Variants in SMARCA4 observed in about 807,000 individuals in gnomAD.
SMARCA4 encodes SWI/SNF related BAF chromatin remodeling complex subunit ATPase 4, also known as SWI/SNF-related matrix-associated actin-dependent regulator of chromatin subfamily A member 4.
Under a neutral mutation model 193.9 loss-of-function variants are expected in SMARCA4, and 31 were observed. The ratio of observed to expected loss-of-function variants is 0.16; its 90% CI spans 0.12 to 0.22. The LOEUF is 0.22. SMARCA4 is among the 10% of genes least tolerant of loss of function. SMARCA4 has a pLI of 1.00. For missense variants in SMARCA4, 1,148 were observed against 2,296.0 expected, an observed-to-expected ratio of 0.50 and a Z score of 10.22; for synonymous variants, 942 against 933.1, an observed-to-expected ratio of 1.01 and a Z score of -0.17.
At chr19:10,976,121 G>A (rs2085105916) in intron 1 of SMARCA4, among the ~76,000 whole-genome samples, 1 of 152,172 alleles carries the variant, frequency 6.6e-6, no homozygotes, top group East Asian at 1.9e-4. Context: ...ACACCTTAGG[G>A]ACGACCTTTG....
Position 11,061,845 on chromosome 19 carries a change from C to T in SMARCA4, c.*29C>T, listed in dbSNP as rs779905015. 1 of 1,611,256 alleles carries T rather than the reference C, an allele frequency of 6.2e-7. No individual in the cohort carries two copies. Among genetic ancestry groups the T allele is most frequent in the East Asian group, 2.2e-5 (1 of 44,872 alleles). On this transcript the variant is annotated 3_prime_UTR_variant, in exon 35 of 35. Coordinates refer to ENST00000344626, the MANE Select transcript of SMARCA4 (RefSeq NM_003072.5). ...CCGACATTCCAGTCTCGACCCCGAG[C>T]CCCTCGTTCCAGAGCTGAGATGGCA...
At position 11,019,146 on chromosome 19, in the gene SMARCA4, C is replaced by T. The variant is rs1167050347; in HGVS notation, c.2505+123C>T. Reference sequence around the variant, plus strand: ...TGCTGGGTCTCCAGTCGCATGGAGTCTCCAGGACAGCCTGGAACTCCAGTC... The same window carrying T: ...TGCTGGGTCTCCAGTCGCATGGAGTTTCCAGGACAGCCTGGAACTCCAGTC... On this transcript the variant is annotated intron_variant, in intron 17 of 34. Transcript: ENST00000344626. This position sits in a 1 kb window ranked among gnomAD's most constrained non-coding sequence, Gnocchi z 6.1. The T allele has an allele frequency of 1.1e-5, 9 of 794,706 alleles. No homozygotes were observed. Among genetic ancestry groups the T allele is most frequent in the South Asian group, 5.6e-5 (4 of 71,856 alleles). The allele number at this position is 794,706 out of a possible 1,614,324, so 49.2% of individuals were successfully genotyped here.
intron 9 of SMARCA4, chr19:10,995,204 G>C (rs1171834427): frequency 1.5e-6 from 1 of 685,368 alleles, no homozygotes. Flanking sequence ...GAATGACTGT[G>C]TGACCTCAGG....
intron 1 of SMARCA4, among the ~76,000 whole-genome samples, chr19:10,979,338 T>C (rs2085380722): frequency 6.6e-6 from 1 of 151,492 alleles, no homozygotes; most frequent in Non-Finnish European, 1.5e-5. Flanking sequence ...TAGAGTACAA[T>C]GTCTATGAAA....
rs758452838 is a variant in SMARCA4 at position 10,992,984 on chromosome 19, C to CTT, written c.1419+1679_1419+1680dup. On this transcript the variant is annotated intron_variant, in intron 8 of 34. Transcript: ENST00000344626. The stretch of plus-strand genomic sequence containing the variant: ...TTTTTAAATTTTTTCTAAAACTTTG[C>CTT]TTTTTTTTTTTTTTTTTTTGAGTCA... Among the ~76,000 whole-genome samples, 559 of 109,324 alleles carry CTT rather than the reference C, an allele frequency of 5.1e-3. 12 individuals carry two copies. The highest frequency in any genetic ancestry group is 0.017 in the African/African-American group (474 of 28,590). 71.7% of individuals were successfully genotyped at this position (109,324 alleles called of 152,430 possible).
rs148993527 is a variant in SMARCA4, at chr19:11,007,761, A to T, written c.2002-141A>T. 10 of 745,790 alleles carry T rather than the reference A, an allele frequency of 1.3e-5. No homozygotes were observed. In the East Asian group the frequency reaches 2.4e-4, roughly 18 times the overall value. 46.2% of individuals were successfully genotyped at this position (745,790 alleles called of 1,614,324 possible). A position where few individuals can be genotyped will look rare whatever the true frequency, so the allele number is the denominator to read the frequency against. On this transcript the variant is annotated intron_variant, in intron 13 of 34. Transcript: ENST00000344626. ...ATTTTAAAACAAAGATGTAAATAATAAACAGCACACATTCCAGGATAGGTA... is the reference window on the plus strand; with the variant it reads ...ATTTTAAAACAAAGATGTAAATAATTAACAGCACACATTCCAGGATAGGTA...
chr19:11,025,054 A>G (rs2090153953), intron 21 of SMARCA4, among the ~76,000 whole-genome samples: 1 of 139,348 alleles, frequency 7.2e-6, no homozygotes, highest in South Asian at 2.4e-4. Context: ...CACCCGGCTG[A>G]GGCCCTCTTG....
At chr19:10,988,023 C>T (rs2145827450) in intron 6 of SMARCA4, 99 bp downstream of exon 6, 2 of 1,244,752 alleles carry the variant, frequency 1.6e-6, no homozygotes, top group East Asian at 4.9e-5. Context: ...CAAACAGTGC[C>T]CTGTGCCCAC....
intron 7 of SMARCA4, 122 bp from the exon 8 acceptor site, chr19:10,991,028 G>A: frequency 1.3e-6 from 2 of 1,485,140 alleles, no homozygotes; most frequent in South Asian, 2.4e-5. Context: ...ACACGGACTG[G>A]GTGTGTAAGG....
In SMARCA4 at chr19:10,991,225, C is replaced by T. The variant is rs1600023226; in HGVS notation, c.1321C>T (p.Arg441Cys). The change falls in exon 8 of 35, where the codon CGC (arginine) becomes TGC (cysteine). Residue 441 changes from arginine (R) to cysteine (C), a missense_variant. Arg to Cys is a radical substitution (Grantham distance 180). This residue lies in a region of SMARCA4 where 69 missense variants were observed against 186.9 expected (regional missense o/e 0.37). Coordinates refer to ENST00000344626, the MANE Select transcript of SMARCA4 (RefSeq NM_003072.5). The stretch of plus-strand genomic sequence containing the variant: ...AGCCCTCAATGCTAAGGCCTACAAG[C>T]GCAGCAAGCGCCAGTCCCTGCGCGA... ...ETALNAKAYK[R>C]SKRQSLREAR... 6.2e-7 allele frequency: 1 copy of T among 1,613,828 alleles called. No individual in the cohort carries two copies. The highest frequency in any genetic ancestry group is 8.5e-7 in the Non-Finnish European group (1 of 1,179,988).
At chr19:10,988,825 C>G (rs945716720) in intron 6 of SMARCA4, among the ~76,000 whole-genome samples, 1 of 152,160 alleles carries the variant, frequency 6.6e-6, no homozygotes, top group African/African-American at 2.4e-5. Context: ...CCCTGGCATA[C>G]AGTTGGTGCT....
At chr19:10,997,012 C>T (rs894643429) in intron 11 of SMARCA4, among the ~76,000 whole-genome samples, 3 of 151,724 alleles carry the variant, frequency 2.0e-5, no homozygotes, top group Admixed American at 6.6e-5. Flanking sequence ...TGCCCCACCA[C>T]ACCCAGCTAA....
rs761479009 is a variant in SMARCA4 at position 10,987,898 on chromosome 19, G to A, written c.1092G>A (p.Val364=). ...AGAAGCCGCGGGGCCTCGACCCTGT[G>A]GAGATCCTGCAGGAGCGCGAGTACA... The part of the protein sequence containing the change: ...PIQKPRGLDP[V]EILQEREYRL... Residue 364 remains valine (V), a synonymous_variant, in exon 6 of 35, where the codon GTG becomes GTA. Coordinates refer to ENST00000344626, the MANE Select transcript of SMARCA4 (RefSeq NM_003072.5). This position sits in a 1 kb window ranked among gnomAD's most constrained non-coding sequence, Gnocchi z 5.3. The A allele has an allele frequency of 6.2e-7, 1 of 1,613,064 alleles. No individual in the cohort carries two copies. The highest frequency in any genetic ancestry group is 1.1e-5 in the South Asian group (1 of 91,008).
chr19:11,007,827 CTG>C, intron 13 of SMARCA4, 73 bp from the exon 14 acceptor site: 1 of 1,538,640 alleles, frequency 6.5e-7, no homozygotes, highest in Non-Finnish European at 8.9e-7. Flanking sequence ...GCTTCTGAGA[CTG>C]TTCTCCCCAT....
At chr19:10,979,022 A>T (rs2085357284) in intron 1 of SMARCA4, among the ~76,000 whole-genome samples, 1 of 152,102 alleles carries the variant, frequency 6.6e-6, no homozygotes, top group Non-Finnish European at 1.5e-5. Flanking sequence ...CCGTGCCATT[A>T]GTTGTGAGGG....
intron 14 of SMARCA4, among the ~76,000 whole-genome samples, chr19:11,008,829 C>T (rs1224579445): frequency 1.3e-5 from 2 of 151,822 alleles, no homozygotes; most frequent in South Asian, 2.1e-4. Flanking sequence ...CAAAAATTAG[C>T]TGGGCGTGGT....
chr19:11,060,759 A>G (rs1459167364), intron 34 of SMARCA4, among the ~76,000 whole-genome samples: 2 of 152,182 alleles, frequency 1.3e-5, no homozygotes, highest in African/African-American at 4.8e-5. Context: ...ATGCAAAGCA[A>G]GGAGGCTGCA....
chr19:11,023,452 C>T (rs575299016), intron 19 of SMARCA4, 66 bp from the exon 20 acceptor site: 2 of 1,030,198 alleles, frequency 1.9e-6, no homozygotes, highest in South Asian at 2.7e-5. Context: ...TCCGCACCTT[C>T]TAGTGAGACC....
intron 1 of SMARCA4, among the ~76,000 whole-genome samples, chr19:10,967,685 G>GT (rs111496379): frequency 0.34 from 42,771 of 126,728 alleles, 7,433 homozygotes; most frequent in South Asian, 0.41. Flanking sequence ...CAAATGTGTG[G>GT]TTTTTTTTTT....
Sources: allele counts gnomAD v4.1 joint callset (sites outside exome capture counted in the v4.1 genomes callset), GRCh38; gene constraint gnomAD v4.1.1; regional missense constraint gnomAD v4.1.1; non-coding constraint Gnocchi (gnomAD v3.1); transcripts MANE v1.5; gene names NCBI Gene and HGNC (gene_info 2026-07-23, HGNC 2026-07-21).